The following KCNIP4 variants were observed in gnomAD, a reference collection of about 807,000 sequenced individuals.
KCNIP4 encodes the protein potassium voltage-gated channel interacting protein 4, also known as Kv channel-interacting protein 4.
Under a neutral mutation model 34.0 loss-of-function variants are expected in KCNIP4, and 12 were observed. The observed-to-expected ratio is 0.35, with a 90% confidence interval of 0.23 to 0.57. The LOEUF is 0.57. KCNIP4 is among the 20% of genes least tolerant of loss of function. The pLI, the probability that KCNIP4 is intolerant of heterozygous loss-of-function variation, is 0.83. For synonymous variants in KCNIP4, 124 were observed against 102.2 expected (o/e 1.21, Z -1.29); for missense variants, 238 against 311.7 (o/e 0.76, Z 1.78).
At chr4:20,990,301 G>A (rs1247822032) in intron 1 of KCNIP4, among the ~76,000 whole-genome samples, 2 of 152,180 alleles carry the variant, frequency 1.3e-5, no homozygotes, top group African/African-American at 2.4e-5. Context: ...TGAACTTTCT[G>A]CTCAAACATG....
At chr4:21,491,351 AAG>A (rs1732379824) in intron 1 of KCNIP4, among the ~76,000 whole-genome samples, 1 of 152,094 alleles carries the variant, frequency 6.6e-6, no homozygotes, top group Non-Finnish European at 1.5e-5. Context: ...CCCAAGATGA[AAG>A]AGAACTGGGT....
At chr4:21,247,735 G>GATAGATATATATATATATATAT (rs1553845666) in intron 1 of KCNIP4, among the ~76,000 whole-genome samples, 3 of 61,368 alleles carry the variant, frequency 4.9e-5, no homozygotes, top group Non-Finnish European at 8.3e-5. Flanking sequence ...TCCACAGGTG[G>GATAGATATATATATATATATAT]ATATATATAT....
At chr4:21,845,932 G>A (rs1227508750) in intron 1 of KCNIP4, 2 of 151,928 alleles carry the variant, frequency 1.3e-5, no homozygotes, top group East Asian at 3.9e-4. Flanking sequence ...CTCAATAACA[G>A]TCATATTAAA....
At chr4:21,072,621 T>C (rs866220502) in intron 1 of KCNIP4, among the ~76,000 whole-genome samples, 1 of 152,186 alleles carries the variant, frequency 6.6e-6, no homozygotes, top group Non-Finnish European at 1.5e-5. Context: ...TGGTAGTCTC[T>C]TTTGCTGTGC....
chr4:20,961,950 T>C (rs1340103944), intron 1 of KCNIP4, among the ~76,000 whole-genome samples: 2 of 152,190 alleles, frequency 1.3e-5, no homozygotes, highest in East Asian at 1.9e-4. Context: ...AGGTCAGTGA[T>C]AGCCAAAGAC....
At chr4:21,080,163 A>T (rs958129028) in intron 1 of KCNIP4, among the ~76,000 whole-genome samples, 1 of 151,790 alleles carries the variant, frequency 6.6e-6, no homozygotes, top group Admixed American at 6.6e-5. Flanking sequence ...CTGGCCAGAG[A>T]TAAATCAGGC....
chr4:21,877,120 G>A (rs534166626), intron 1 of KCNIP4, among the ~76,000 whole-genome samples: 2 of 152,240 alleles, frequency 1.3e-5, no homozygotes, highest in South Asian at 4.2e-4. Context: ...TTGGGAGGCC[G>A]AGGCGATGGA....
chr4:21,263,999 A>G (rs376205816), intron 1 of KCNIP4, among the ~76,000 whole-genome samples: 5 of 151,138 alleles, frequency 3.3e-5, no homozygotes, highest in Admixed American at 2.0e-4. Flanking sequence ...GTGTATCCTT[A>G]TCTGTGGTAG....
chr4:21,665,518 C>A (rs74948050), intron 1 of KCNIP4, among the ~76,000 whole-genome samples: 2 of 150,052 alleles, frequency 1.3e-5, no homozygotes, highest in African/African-American at 2.5e-5. Context: ...GGCACCCCCC[C>A]CCCCTCATTT....
intron 1 of KCNIP4, among the ~76,000 whole-genome samples, chr4:21,111,774 A>G (rs1021047446): frequency 6.6e-6 from 1 of 152,182 alleles, no homozygotes; most frequent in African/African-American, 2.4e-5. Context: ...AGGAATGAAC[A>G]GGACAGGGTG....
intron 1 of KCNIP4, among the ~76,000 whole-genome samples, chr4:21,670,624 G>T (rs545299564): frequency 3.3e-5 from 5 of 152,154 alleles, no homozygotes; most frequent in African/African-American, 1.2e-4. Flanking sequence ...ACACCATCTG[G>T]TAAAATTACA....
chr4:21,856,552 C>T (rs950136642), intron 1 of KCNIP4, among the ~76,000 whole-genome samples: 1 of 152,148 alleles, frequency 6.6e-6, no homozygotes, highest in African/African-American at 2.4e-5. Context: ...CCTTGCACTC[C>T]CCAGGTGCAG....
At chr4:21,718,068 A>C (rs1714523669) in intron 1 of KCNIP4, among the ~76,000 whole-genome samples, 1 of 152,240 alleles carries the variant, frequency 6.6e-6, no homozygotes, top group Non-Finnish European at 1.5e-5. Context: ...TCTCAGAAAT[A>C]AGCATGCAAA....
chr4:21,869,145 C>G (rs377109014), intron 1 of KCNIP4, among the ~76,000 whole-genome samples: 1 of 152,108 alleles, frequency 6.6e-6, no homozygotes, highest in Non-Finnish European at 1.5e-5. Flanking sequence ...TCCTGCACTG[C>G]TGCTATTATT....
chr4:21,146,254 C>T (rs1012236920), intron 1 of KCNIP4, among the ~76,000 whole-genome samples: 2 of 151,968 alleles, frequency 1.3e-5, no homozygotes, highest in Admixed American at 1.3e-4. Context: ...AAAAATTAGC[C>T]AGGCGTGGTG....
intron 1 of KCNIP4, among the ~76,000 whole-genome samples, chr4:21,569,776 T>C (rs1366726827): frequency 3.9e-5 from 6 of 152,036 alleles, no homozygotes; most frequent in Non-Finnish European, 8.8e-5. Flanking sequence ...GTTGCTACCA[T>C]TCTTCAGGCC....
At chr4:21,719,216 G>A (rs1273707119) in intron 1 of KCNIP4, among the ~76,000 whole-genome samples, 1 of 152,156 alleles carries the variant, frequency 6.6e-6, no homozygotes, top group Non-Finnish European at 1.5e-5. Flanking sequence ...TAAGGAGAAG[G>A]AAAAGGAGAC....
intron 2 of KCNIP4, among the ~76,000 whole-genome samples, chr4:20,856,808 A>C (rs985744652): frequency 4.6e-5 from 7 of 152,006 alleles, no homozygotes; most frequent in South Asian, 4.2e-4. Context: ...ATTTTAATTA[A>C]ATTTTCTGAG....
chr4:21,586,782 T>C (rs867505715), intron 1 of KCNIP4, among the ~76,000 whole-genome samples: 6 of 152,068 alleles, frequency 3.9e-5, no homozygotes, highest in African/African-American at 1.4e-4. Context: ...GATACTAAAA[T>C]AACCCCTGGA....
Sources: allele counts gnomAD v4.1 joint callset (sites outside exome capture counted in the v4.1 genomes callset), GRCh38; gene constraint gnomAD v4.1.1; transcripts MANE v1.5; gene names NCBI Gene and HGNC (gene_info 2026-07-23, HGNC 2026-07-21).